Variants in OTOGL observed in about 807,000 individuals in gnomAD.
The protein encoded by OTOGL is otogelin-like protein.
In OTOGL, 285 loss-of-function variants were observed where a neutral mutation model predicts 318.5. The ratio of observed to expected loss-of-function variants is 0.89; its 90% CI spans 0.81 to 0.99. The LOEUF (loss-of-function observed/expected upper bound fraction) is 0.99. Among genes scored for constraint, OTOGL ranks in the 50% least tolerant of loss-of-function variants. OTOGL has a pLI of 0.00. For missense variants in OTOGL, 2,899 were observed against 2,845.6 expected (o/e 1.02, Z -0.43); for synonymous variants, 987 against 936.5 (o/e 1.05, Z -0.99).
In OTOGL at chr12:80,274,277, T is replaced by A. The variant is rs180941261; in HGVS notation, c.2681+2467T>A. ...AGTTCATGAAAGAAATGAAAAGTGC[T>A]ACTACTCCAGTGAACCCACAAGTGG... On this transcript the variant is annotated intron_variant, in intron 24 of 58. Coordinates refer to ENST00000547103, the MANE Select transcript of OTOGL (RefSeq NM_001378609.3). 5.8e-3 allele frequency among the ~76,000 whole-genome samples: 878 copies of A among 152,176 alleles called. 12 individuals are homozygous for A. Among genetic ancestry groups the A allele is most frequent in the African/African-American group, 0.02 (834 of 41,544 alleles).
At chr12:80,252,051 A>G (rs546063620) in intron 12 of OTOGL, 25 bp from the exon 13 acceptor site, 3 of 1,495,668 alleles carry the variant, frequency 2.0e-6, no homozygotes, top group East Asian at 2.6e-5. Context: ...AAATTGACTT[A>G]AGCTCCCCTG....
At position 80,255,119 on chromosome 12, in the gene OTOGL, C is replaced by A; in HGVS notation, c.1521C>A (p.Tyr507Ter). Residue 507 changes from tyrosine to a stop codon, truncating the protein, a stop_gained, in exon 16 of 59, where the codon TAC becomes TAA. Transcript: ENST00000547103. LOFTEE classifies it high-confidence loss of function. ...ATTCTTTTATTGGCATGTGCCAATACATCCTCGTGAAAGGAACTGGAAAAG... is the reference window on the plus strand; with the variant it reads ...ATTCTTTTATTGGCATGTGCCAATAAATCCTCGTGAAAGGAACTGGAAAAG... ...RHYSFIGMCQ[Y>*]ILVKGTGKDK... is the part of the protein sequence containing the mutation. 6.5e-7 allele frequency: 1 copy of A among 1,526,946 alleles called. No individual in the cohort carries two copies. Among genetic ancestry groups the A allele is most frequent in the South Asian group, 1.3e-5 (1 of 78,402 alleles). 94.6% of individuals were successfully genotyped at this position (1,526,946 alleles called of 1,614,324 possible). A position where few individuals can be genotyped will look rare whatever the true frequency, so the allele number is the denominator to read the frequency against.
Position 80,254,373 on chromosome 12 carries a change from T to C in OTOGL, c.1395-151T>C. On this transcript the variant is annotated intron_variant, in intron 14 of 58. Coordinates refer to ENST00000547103, the MANE Select transcript of OTOGL (RefSeq NM_001378609.3). ...TATTATTATTTATTGATTTTATTTA[T>C]TTTATTTTATTTTTTGCAGAGATTT... is the stretch of plus-strand genomic sequence containing the variant. The C allele has an allele frequency of 3.3e-4, 8 of 24,302 alleles. 3 individuals carry two copies. Among genetic ancestry groups the C allele is most frequent in the East Asian group, 0.25 (2 of 8 alleles). The allele number at this position is 24,302 out of a possible 1,614,324, so 1.5% of individuals were successfully genotyped here.
intron 29 of OTOGL, among the ~76,000 whole-genome samples, chr12:80,308,240 A>T (rs1442660188): frequency 1.4e-5 from 2 of 143,928 alleles, no homozygotes; most frequent in Non-Finnish European, 3.0e-5. Flanking sequence ...GGGGCTCCTC[A>T]CTTCTCAGAC....
chr12:80,336,324 G>A, intron 39 of OTOGL, 89 bp from the exon 40 acceptor site: 1 of 1,380,882 alleles, frequency 7.2e-7, no homozygotes, highest in Non-Finnish European at 9.5e-7. Flanking sequence ...ACATAATAAG[G>A]CTAATTTAAC....
chr12:80,144,849 GTCT>G (rs1297857450), intron 1 of OTOGL, among the ~76,000 whole-genome samples: 1 of 152,066 alleles, frequency 6.6e-6, no homozygotes, highest in African/African-American at 2.4e-5. Context: ...CTGCATAAAT[GTCT>G]TCTTTTGAGA....
chr12:80,134,319 G>A (rs1871414542), intron 1 of OTOGL, among the ~76,000 whole-genome samples: 1 of 152,128 alleles, frequency 6.6e-6, no homozygotes, highest in Non-Finnish European at 1.5e-5. Context: ...CTATCTTAAA[G>A]GGCACTTCTT....
Position 80,339,091 on chromosome 12 carries a change from T to G in OTOGL, c.4877T>G (p.Ile1626Ser). The change falls in exon 43 of 59, where the codon ATT (isoleucine) becomes AGT (serine). Residue 1626 changes from isoleucine to serine, a missense_variant. Transcript: ENST00000547103. ...TTATTCTAGGTAGAAGTGGATTCCATTGTTGTGCCTTTGCCCTTTTCAAGT... is the reference window on the plus strand; with the variant it reads ...TTATTCTAGGTAGAAGTGGATTCCAGTGTTGTGCCTTTGCCCTTTTCAAGT... ...RLARKVEVDS[I>S]VVPLPFSSQE... 1.2e-6 allele frequency: 2 copies of G among 1,606,850 alleles called. No homozygotes were observed. The highest frequency in any genetic ancestry group is 1.7e-6 in the Non-Finnish European group (2 of 1,174,520).
At chr12:80,340,491 T>G (rs529671322) in intron 43 of OTOGL, among the ~76,000 whole-genome samples, 71 of 152,278 alleles carry the variant, frequency 4.7e-4, no homozygotes, top group African/African-American at 1.6e-3. Context: ...TGAAGGGTAT[T>G]ATTTCAGTTT....
chr12:80,262,229 ATT>A (rs557089482), intron 19 of OTOGL, 136 bp downstream of exon 19: 40 of 871,826 alleles, frequency 4.6e-5, no homozygotes, highest in South Asian at 8.3e-5. Context: ...TTCCTCGTGT[ATT>A]TTTTTTTTGC....
chr12:80,358,557 C>A, intron 50 of OTOGL, 114 bp from the exon 51 acceptor site: 1 of 916,786 alleles, frequency 1.1e-6, no homozygotes, highest in Non-Finnish European at 1.7e-6. Flanking sequence ...GGAGAGGTAG[C>A]ACTTGGGAAA....
chr12:80,295,406 A>G (rs910250427), intron 26 of OTOGL, among the ~76,000 whole-genome samples: 2 of 152,074 alleles, frequency 1.3e-5, no homozygotes, highest in African/African-American at 2.4e-5. Context: ...TGAACTCCTG[A>G]TCTCAAGTGA....
At chr12:80,117,776 G>A (rs1489637580) in intron 1 of OTOGL, among the ~76,000 whole-genome samples, 1 of 152,122 alleles carries the variant, frequency 6.6e-6, no homozygotes. Flanking sequence ...CAGCCAAACT[G>A]GATTTCACAG....
intron 24 of OTOGL, among the ~76,000 whole-genome samples, chr12:80,276,374 G>A (rs1883807510): frequency 6.6e-6 from 1 of 151,766 alleles, no homozygotes; most frequent in Non-Finnish European, 1.5e-5. Context: ...TTAGAATAGT[G>A]CCTTGCCATA....
rs755559912 is a variant in OTOGL at position 80,320,523 on chromosome 12, G to A, written c.3904G>A (p.Ala1302Thr). 6.2e-7 allele frequency: 1 copy of A among 1,613,610 alleles called. No individual in the cohort carries two copies. Among genetic ancestry groups the A allele is most frequent in the Non-Finnish European group, 8.5e-7 (1 of 1,179,716 alleles). Residue 1302 changes from alanine to threonine, a missense_variant, in exon 34 of 59, where the codon GCC becomes ACC. Coordinates refer to ENST00000547103, the MANE Select transcript of OTOGL (RefSeq NM_001378609.3). Reference protein sequence around the residue: ...LSLELWEANSAFHRRATFFHH... With the variant: ...LSLELWEANSTFHRRATFFHH... ...CTTGGAGCTGTGGGAGGCGAATTCAGCCTTTCATCGGAGAGCAACATTTTT... is the reference window on the plus strand; with the variant it reads ...CTTGGAGCTGTGGGAGGCGAATTCAACCTTTCATCGGAGAGCAACATTTTT...
intron 1 of OTOGL, among the ~76,000 whole-genome samples, chr12:80,184,655 C>G (rs1207617388): frequency 6.6e-6 from 1 of 152,046 alleles, no homozygotes; most frequent in Non-Finnish European, 1.5e-5. Context: ...CCCTGTTGCC[C>G]ATAGTGCTGG....
At chr12:80,218,795 CTTTTTT>C (rs34204072) in intron 5 of OTOGL, among the ~76,000 whole-genome samples, 1 of 118,240 alleles carries the variant, frequency 8.5e-6, no homozygotes, top group Non-Finnish European at 1.7e-5. Flanking sequence ...CTTTTTCTTT[CTTTTTT>C]TTTTTTTTTT....
chr12:80,182,385 C>A (rs897496445), intron 1 of OTOGL, among the ~76,000 whole-genome samples: 3 of 152,022 alleles, frequency 2.0e-5, no homozygotes, highest in Admixed American at 2.0e-4. Context: ...TCCAACTGAC[C>A]CAATAAGTTT....
chr12:80,226,177 AACACACACACACACACACAC>A (rs35975748), intron 7 of OTOGL, among the ~76,000 whole-genome samples: 15 of 132,896 alleles, frequency 1.1e-4, no homozygotes, highest in African/African-American at 2.8e-4. Flanking sequence ...TCCTGCTCCT[AACACACACACACACACACAC>A]ACACACACAC....
Sources: allele counts gnomAD v4.1 joint callset (sites outside exome capture counted in the v4.1 genomes callset), GRCh38; gene constraint gnomAD v4.1.1; transcripts MANE v1.5; gene names NCBI Gene and HGNC (gene_info 2026-07-23, HGNC 2026-07-21).